The following HAUS6 variants were observed in gnomAD, a reference collection of about 807,000 sequenced individuals.
HAUS6 encodes HAUS augmin like complex subunit 6.
In HAUS6, 80 loss-of-function variants were observed where a neutral mutation model predicts 106.8. That is an observed-to-expected ratio of 0.75 (90% confidence interval 0.63 to 0.90). HAUS6 has a LOEUF of 0.90. HAUS6 is among the 40% of genes least tolerant of loss of function. The pLI is 0.00. For missense variants in HAUS6, 1,155 were observed against 1,118.1 expected, an observed-to-expected ratio of 1.03 and a Z score of -0.47; for synonymous variants, 356 against 379.1, an observed-to-expected ratio of 0.94 and a Z score of 0.71.
At chr9:19,092,781 C>T (rs1361210209) in intron 4 of HAUS6, among the ~76,000 whole-genome samples, 4 of 151,210 alleles carry the variant, frequency 2.6e-5, no homozygotes, top group Non-Finnish European at 5.9e-5. Context: ...AAAAATTAGC[C>T]AGTCATGGTG....
At position 19,076,585 on chromosome 9, in the gene HAUS6, A is replaced by G. The variant is rs1311414061; in HGVS notation, c.1294+17T>C. On this transcript the variant is annotated intron_variant, in intron 11 of 16. Transcript: ENST00000380502. ...GGAAGGAGGTTTCAAAGAGAAAAAA[A>G]TAAATAAATAACCAACCTGGAAGTG... The G allele has an allele frequency of 4.2e-6, 5 of 1,177,216 alleles. No individual in the cohort carries two copies. Among genetic ancestry groups the G allele is most frequent in the Non-Finnish European group, 6.3e-6 (5 of 793,248 alleles). 72.9% of individuals were successfully genotyped at this position (1,177,216 alleles called of 1,614,324 possible).
chr9:19,065,222 T>C (rs1400763727), intron 12 of HAUS6: 1 of 152,224 alleles, frequency 6.6e-6, no homozygotes, highest in Non-Finnish European at 1.5e-5. Flanking sequence ...GCTAACATCA[T>C]AATCTAAGAC....
rs868190886 is a variant in HAUS6, at chr9:19,083,040, G to A, written c.703C>T (p.Arg235Trp). ...SNMEEKIQKV[R>W]SLWASVNETL... ...TCATTCACTGAAGCCCACAAAGACC[G>A]AACCTTTGGAAACAGAAACAAAATA... The change falls in exon 8 of 17, where the codon CGG (arginine) becomes TGG (tryptophan). Residue 235 changes from arginine (R) to tryptophan (W), a missense_variant. Around this residue, in one of 3 missense-constraint regions of HAUS6, gnomAD observed 761 missense variants for 690.0 expected, o/e 1.10. Coordinates refer to ENST00000380502, the MANE Select transcript of HAUS6 (RefSeq NM_017645.5). The A allele has an allele frequency of 1.7e-5, 26 of 1,570,150 alleles. No individual in the cohort carries two copies. Among genetic ancestry groups the A allele is most frequent in the Admixed American group, 8.0e-5 (4 of 49,730 alleles).
At chr9:19,059,457 T>C (rs373860841) in intron 15 of HAUS6, among the ~76,000 whole-genome samples, 2 of 152,234 alleles carry the variant, frequency 1.3e-5, no homozygotes, top group African/African-American at 4.8e-5. Flanking sequence ...CAATTTTATA[T>C]ACAAAAACAC....
rs763850830 is a variant in HAUS6 at position 19,090,584 on chromosome 9, T to A, written c.437-1025A>T. On this transcript the variant is annotated intron_variant, in intron 4 of 16. Transcript: ENST00000380502. ...TTCACCCTGTTAGCCAGGATGATCT[T>A]GATCTCCTGGCCTCATGATCCGCCC... Among the ~76,000 whole-genome samples, 5 of 152,142 alleles carry A rather than the reference T, an allele frequency of 3.3e-5. No individual in the cohort carries two copies. In the South Asian group the frequency reaches 1.0e-3, roughly 32 times the overall value.
At chr9:19,087,067 C>G in intron 6 of HAUS6, 24 bp downstream of exon 6, 1 of 1,185,512 alleles carries the variant, frequency 8.4e-7, no homozygotes, top group Non-Finnish European at 1.3e-6. Flanking sequence ...TCTAAGGCAA[C>G]TTCTAGCTCT....
intron 1 of HAUS6, among the ~76,000 whole-genome samples, 155 bp downstream of exon 1, chr9:19,102,369 C>G (rs149905307): frequency 1.1e-3 from 167 of 152,370 alleles, no homozygotes; most frequent in African/African-American, 3.7e-3. Context: ...CCTAGGCTGG[C>G]AGCAACTGGG....
intron 1 of HAUS6, among the ~76,000 whole-genome samples, chr9:19,098,935 T>C (rs1817922926): frequency 6.9e-6 from 1 of 143,962 alleles, no homozygotes; most frequent in South Asian, 2.2e-4. Flanking sequence ...GGCAGGAGAA[T>C]CGCTTGAACC....
chr9:19,070,664 T>C (rs41316035), intron 11 of HAUS6, among the ~76,000 whole-genome samples: 5,280 of 152,316 alleles, frequency 0.035, 112 homozygotes, highest in Non-Finnish European at 0.051. Flanking sequence ...TGCACATTTA[T>C]GGTATCAGTC....
intron 5 of HAUS6, among the ~76,000 whole-genome samples, chr9:19,088,455 A>C (rs1817674517): frequency 6.6e-6 from 1 of 152,156 alleles, no homozygotes; most frequent in South Asian, 2.1e-4. Context: ...GGCAATATGC[A>C]AAAATTTACA....
chr9:19,053,809 A>T lies in HAUS6; in HGVS notation c.*2534T>A, dbSNP rs1454965831. The T allele has an allele frequency of 6.6e-6, 1 of 152,154 alleles. No individual in the cohort carries two copies. Among genetic ancestry groups the T allele is most frequent in the Non-Finnish European group, 1.5e-5 (1 of 67,998 alleles). The allele number at this position is 152,154 out of a possible 1,614,324, so 9.4% of individuals were successfully genotyped here. A position where few individuals can be genotyped will look rare whatever the true frequency, so the allele number is the denominator to read the frequency against. ...GGCAAACAAAACAATTCCAAAACTTAAATATTGATAAAGATGACACATGGC... is the reference window on the plus strand; with the variant it reads ...GGCAAACAAAACAATTCCAAAACTTTAATATTGATAAAGATGACACATGGC... On this transcript the variant is annotated 3_prime_UTR_variant, in exon 17 of 17. Transcript: ENST00000380502.
intron 11 of HAUS6, among the ~76,000 whole-genome samples, chr9:19,071,567 T>C (rs993576124): frequency 2.3e-5 from 3 of 130,844 alleles, no homozygotes; most frequent in Non-Finnish European, 4.7e-5. Flanking sequence ...AAAAGAAAAA[T>C]ATTTTCTTTT....
At chr9:19,070,864 G>C (rs536871463) in intron 11 of HAUS6, among the ~76,000 whole-genome samples, 1 of 152,292 alleles carries the variant, frequency 6.6e-6, no homozygotes, top group South Asian at 2.1e-4. Context: ...AATTTAAGGA[G>C]GCAGAGGACA....
intron 4 of HAUS6, among the ~76,000 whole-genome samples, chr9:19,092,251 G>T (rs954510994): frequency 6.6e-6 from 1 of 151,386 alleles, no homozygotes; most frequent in Non-Finnish European, 1.5e-5. Context: ...GAGCACAGGG[G>T]TTCAAGACCA....
intron 11 of HAUS6, among the ~76,000 whole-genome samples, chr9:19,073,675 A>C (rs1836926693): frequency 6.6e-6 from 1 of 151,952 alleles, no homozygotes; most frequent in African/African-American, 2.4e-5. Flanking sequence ...TAATTCAAAA[A>C]TAAAAAATAA....
intron 10 of HAUS6, among the ~76,000 whole-genome samples, chr9:19,077,843 T>C (rs764402958): frequency 7.9e-5 from 12 of 152,104 alleles, no homozygotes; most frequent in Non-Finnish European, 1.5e-4. Flanking sequence ...GGAAGATCCC[T>C]TGAGCCCAGG....
At chr9:19,100,735 A>G (rs1054971499) in intron 1 of HAUS6, among the ~76,000 whole-genome samples, 2 of 152,238 alleles carry the variant, frequency 1.3e-5, no homozygotes, top group African/African-American at 4.8e-5. Context: ...GTATATATAC[A>G]CAATGGAATA....
chr9:19,101,694 G>C (rs1399714005), intron 1 of HAUS6, among the ~76,000 whole-genome samples: 2 of 152,214 alleles, frequency 1.3e-5, no homozygotes, highest in African/African-American at 4.8e-5. Flanking sequence ...GGCCGAGGCA[G>C]GTGGATCATG....
At chr9:19,093,134 G>T (rs755275216) in intron 4 of HAUS6, 37 bp downstream of exon 4, 1 of 1,347,096 alleles carries the variant, frequency 7.4e-7, no homozygotes, top group Non-Finnish European at 1.0e-6. Context: ...AAAAATTTAA[G>T]AATCAAAACA....
Sources: gnomAD v4.1 joint callset for allele counts (sites outside exome capture counted in the v4.1 genomes callset) on GRCh38, gnomAD v4.1.1 for gene constraint, gnomAD v4.1.1 regional missense constraint, MANE v1.5 for transcripts, NCBI Gene and HGNC (gene_info 2026-07-23, HGNC 2026-07-21) for gene names.